The following LYST variants were observed in gnomAD, a reference collection of about 807,000 sequenced individuals.
LYST encodes the protein lysosomal trafficking regulator.
Under a neutral mutation model 413.6 loss-of-function variants are expected in LYST, and 192 were observed. That is an observed-to-expected ratio of 0.46 (90% CI 0.41 to 0.52). The LOEUF (loss-of-function observed/expected upper bound fraction) is 0.52, where lower values mean the gene tolerates loss of function less well. Among genes scored for constraint, LYST ranks in the 20% least tolerant of loss-of-function variants. The pLI is 0.00. For missense variants in LYST, 3,815 were observed against 4,499.9 expected (o/e 0.85, Z 4.35); for synonymous variants, 1,525 against 1,567.3 (o/e 0.97, Z 0.64).
chr1:235,807,910 C>T (rs1014884094), intron 5 of LYST, among the ~76,000 whole-genome samples: 1 of 152,048 alleles, frequency 6.6e-6, no homozygotes, highest in African/African-American at 2.4e-5. Context: ...TATTATTTTA[C>T]ATGTAATACA....
At position 235,815,444 on chromosome 1, in the gene LYST, T is replaced by G. The variant is rs546453532; in HGVS notation, c.193-2383A>C. On this transcript the variant is annotated intron_variant, in intron 3 of 52. Transcript: ENST00000389793. Reference sequence around the variant, plus strand: ...TGGGCTATTTGAGCAGATACTTAATTGATGAGAAGAAGGAATCCATGAAAA... The same window carrying G: ...TGGGCTATTTGAGCAGATACTTAATGGATGAGAAGAAGGAATCCATGAAAA... Among the ~76,000 whole-genome samples the G allele has an allele frequency of 3.3e-5, 5 of 152,244 alleles. No homozygotes were observed. In the East Asian group the frequency reaches 7.7e-4, roughly 24 times the overall value.
rs148101450 is a variant in LYST, at chr1:235,695,629, A to ATTTTTTTTTTTTT, written c.10564+1441_10564+1453dup. 7.4e-4 allele frequency among the ~76,000 whole-genome samples: 86 copies of ATTTTTTTTTTTTT among 116,408 alleles called. 3 individuals are homozygous for ATTTTTTTTTTTTT. The highest frequency in any genetic ancestry group is 2.8e-3 in the African/African-American group (84 of 29,528). The allele number at this position is 116,408 out of a possible 152,430, so 76.4% of individuals were successfully genotyped here. On this transcript the variant is annotated intron_variant, in intron 46 of 52. Transcript: ENST00000389793. ...CAGAGAGAAACTTTACAGTACTCTA[A>ATTTTTTTTTTTTT]TTTTTTTTTTTTTTTTTTTTTGAGA...
rs185836332 is a variant in LYST, at chr1:235,772,149, T to C, written c.5784+1693A>G. Among the ~76,000 whole-genome samples, 15 of 152,120 alleles carry C rather than the reference T, an allele frequency of 9.9e-5. No individual in the cohort carries two copies. The East Asian group carries it at 2.1e-3, about 22-fold the overall frequency. ...CTGAGGTAGGAGGACCACTTGAACCTGAGAGGCAGAGGTTGCAGGGAGCCA... is the reference window on the plus strand; with the variant it reads ...CTGAGGTAGGAGGACCACTTGAACCCGAGAGGCAGAGGTTGCAGGGAGCCA... On this transcript the variant is annotated intron_variant, in intron 19 of 52. Transcript: ENST00000389793.
chr1:235,819,389 C>T (rs1029210919), intron 3 of LYST, among the ~76,000 whole-genome samples: 7 of 152,128 alleles, frequency 4.6e-5, no homozygotes, highest in Admixed American at 4.6e-4. Flanking sequence ...AATTTGTGGG[C>T]ACCCTGGCAA....
chr1:235,788,483 C>T (rs987947171), intron 13 of LYST, among the ~76,000 whole-genome samples: 3 of 152,108 alleles, frequency 2.0e-5, no homozygotes, highest in African/African-American at 4.8e-5. Flanking sequence ...CCACCACACC[C>T]AGCCGAGAAT....
chr1:235,806,249 T>C lies in LYST; in HGVS notation c.2887A>G (p.Ile963Val), dbSNP rs747319298. The C allele has an allele frequency of 1.2e-6, 2 of 1,613,980 alleles. No homozygotes were observed. Among genetic ancestry groups the C allele is most frequent in the Non-Finnish European group, 8.5e-7 (1 of 1,179,970 alleles). Residue 963 changes from isoleucine (I) to valine (V), a missense_variant, in exon 6 of 53, where the codon ATT becomes GTT. By Grantham distance (29) the Ile-to-Val change is conservative. Around this residue, in one of 4 missense-constraint regions of LYST, gnomAD observed 1,648 missense variants for 1,810.3 expected, o/e 0.91. Coordinates refer to ENST00000389793, the MANE Select transcript of LYST (RefSeq NM_000081.4). ...TAGATCCAACGACACATAGACCAAATGTCTGCTGCTTGGTGCATATGTTCA... is the reference window on the plus strand; with the variant it reads ...TAGATCCAACGACACATAGACCAAACGTCTGCTGCTTGGTGCATATGTTCA... ...SPEHMHQAADIWSMCRWIYML... is the reference protein window; with the variant it reads ...SPEHMHQAADVWSMCRWIYML...
intron 29 of LYST, among the ~76,000 whole-genome samples, chr1:235,745,200 C>G (rs549688429): frequency 6.6e-6 from 1 of 152,242 alleles, no homozygotes; most frequent in East Asian, 1.9e-4. Context: ...ATATCTATCA[C>G]CTCACATAGT....
In LYST at chr1:235,702,996, A is replaced by G; in HGVS notation, c.10144-19T>C. The G allele has an allele frequency of 6.6e-7, 1 of 1,523,630 alleles. No homozygotes were observed. Among genetic ancestry groups the G allele is most frequent in the Non-Finnish European group, 9.1e-7 (1 of 1,097,634 alleles). 94.4% of individuals were successfully genotyped at this position (1,523,630 alleles called of 1,614,324 possible). ...AATATGTCTGCAGAGTGAAAGAGTA[A>G]AGGAACAAGACATATGTAGTAAAAA... On this transcript the variant is annotated intron_variant, in intron 44 of 52. Coordinates refer to ENST00000389793, the MANE Select transcript of LYST (RefSeq NM_000081.4).
At position 235,777,140 on chromosome 1, in the gene LYST, G is replaced by GTTGGAGATT; in HGVS notation, c.5374_5382dup (p.Asn1792_Gln1794dup). ...CCTTGAATAGTTTTATATTCAGTAGGTTGGAGATTCTTTAGATGATGAGGT... is the reference window on the plus strand; with the variant it reads ...CCTTGAATAGTTTTATATTCAGTAGGTTGGAGATTTTGGAGATTCTTTAGATGATGAGGT... On this transcript the variant is annotated inframe_insertion, in exon 17 of 53. Transcript: ENST00000389793. The GTTGGAGATT allele has an allele frequency of 6.2e-7, 1 of 1,612,998 alleles. No individual in the cohort carries two copies. Among genetic ancestry groups the GTTGGAGATT allele is most frequent in the Non-Finnish European group, 8.5e-7 (1 of 1,179,124 alleles).
chr1:235,873,764 T>C (rs1681033095), intron 1 of LYST, among the ~76,000 whole-genome samples: 1 of 152,140 alleles, frequency 6.6e-6, no homozygotes, highest in Non-Finnish European at 1.5e-5. Context: ...GAAACCACAC[T>C]AGCTGTTTAT....
intron 13 of LYST, 75 bp from the exon 14 acceptor site, chr1:235,787,448 C>T (rs755794036): frequency 2.5e-5 from 29 of 1,139,050 alleles, no homozygotes; most frequent in Non-Finnish European, 3.8e-5. Flanking sequence ...CATATAGTAA[C>T]TATAATTCTA....
intron 1 of LYST, among the ~76,000 whole-genome samples, chr1:235,853,571 G>A (rs1392639148): frequency 6.6e-6 from 1 of 151,832 alleles, no homozygotes; most frequent in East Asian, 1.9e-4. Flanking sequence ...CAATGGCCCA[G>A]AAAGGTGTAC....
Position 235,818,637 on chromosome 1 carries a change from T to TA in LYST, c.193-5577dup, listed in dbSNP as rs760345150. Among the ~76,000 whole-genome samples the TA allele has an allele frequency of 6.7e-3, 980 of 146,686 alleles. 6 individuals carry two copies. The highest frequency in any genetic ancestry group is 9.1e-3 in the Non-Finnish European group (602 of 66,156). ...GCCAATAAAAATGTACATGGTCTTT[T>TA]AAAAAAAAAAAAGATAAACCAATTT... On this transcript the variant is annotated intron_variant, in intron 3 of 52. Transcript: ENST00000389793.
intron 25 of LYST, among the ~76,000 whole-genome samples, chr1:235,753,593 G>T (rs993035766): frequency 1.8e-4 from 27 of 152,086 alleles, no homozygotes; most frequent in African/African-American, 6.3e-4. Context: ...GGCTTCAAGT[G>T]CACAGGAAAA....
intron 42 of LYST, chr1:235,712,925 C>T (rs1172885535): frequency 5.5e-5 from 54 of 985,166 alleles, no homozygotes; most frequent in Non-Finnish European, 6.5e-5. Context: ...TAAATGATAT[C>T]CAAAAGCTAG....
chr1:235,686,858 A>C lies in LYST; in HGVS notation c.10800+91T>G. On this transcript the variant is annotated intron_variant, in intron 48 of 52. Transcript: ENST00000389793. The surrounding 1 kb of genome is among the most constrained non-coding windows in gnomAD (Gnocchi z 4.0). The stretch of plus-strand genomic sequence containing the variant: ...GATTAAGGTATAAACATTTTAAGTT[A>C]ATCTTATGCAAAGTGAATTATACTT... 1 of 946,004 alleles carries C rather than the reference A, an allele frequency of 1.1e-6. No individual in the cohort carries two copies. The allele number at this position is 946,004 out of a possible 1,614,324, so 58.6% of individuals were successfully genotyped here.
At position 235,759,213 on chromosome 1, in the gene LYST, C is replaced by T; in HGVS notation, c.6640G>A (p.Glu2214Lys). ...GACTCATCCCCAGGACTGTCATCTT[C>T]TGACCTGGGTTCTGCTCCCAACTGT... ...HKQLGAEPRS[E>K]DDSPGDESCP... Residue 2214 changes from glutamate to lysine, a missense_variant, in exon 23 of 53, where the codon GAA becomes AAA. Physicochemically the swap from Glu to Lys is moderately conservative, Grantham distance 56 (BLOSUM62 1). This residue lies in a region of LYST where 771 missense variants were observed against 837.1 expected (regional missense o/e 0.92). Transcript: ENST00000389793. 5.6e-6 allele frequency: 9 copies of T among 1,614,172 alleles called. No homozygotes were observed. The highest frequency in any genetic ancestry group is 1.3e-5 in the African/African-American group (1 of 75,060).
At chr1:235,687,086 A>C in intron 47 of LYST, 39 bp from the exon 48 acceptor site, 1 of 1,334,538 alleles carries the variant, frequency 7.5e-7, no homozygotes, top group East Asian at 2.3e-5. Context: ...CATGTTTTAA[A>C]AGAATGAAAC....
chr1:235,738,667 A>G, intron 31 of LYST: 1 of 1,607,456 alleles, frequency 6.2e-7, no homozygotes, highest in Non-Finnish European at 8.5e-7. Context: ...ACTGACATAG[A>G]TAAGGAACAG....
Sources: gnomAD v4.1 joint callset for allele counts (sites outside exome capture counted in the v4.1 genomes callset) on GRCh38, gnomAD v4.1.1 for gene constraint, gnomAD v4.1.1 regional missense constraint, Gnocchi (gnomAD v3.1) non-coding constraint, MANE v1.5 for transcripts, NCBI Gene and HGNC (gene_info 2026-07-23, HGNC 2026-07-21) for gene names.